The following C4orf54 variants were observed in gnomAD, a reference collection of about 807,000 sequenced individuals.
The protein encoded by C4orf54 is chromosome 4 open reading frame 54, also known as uncharacterized protein C4orf54.
C4orf54 carries 67 observed loss-of-function variants against 80.1 expected under a neutral mutation model. The observed-to-expected ratio is 0.84, with a 90% CI of 0.69 to 1.03. The LOEUF (loss-of-function observed/expected upper bound fraction) is 1.03. Ranked by LOEUF, C4orf54 falls within the 50% of genes least tolerant of loss-of-function variation. The probability of loss-of-function intolerance (pLI) is 0.00; values close to 1 mark genes in which losing one functional copy is unlikely to be tolerated. For missense variants in C4orf54, 2,434 were observed against 2,253.5 expected, an observed-to-expected ratio of 1.08 and a Z score of -1.62; for synonymous variants, 1,000 against 917.0, an observed-to-expected ratio of 1.09 and a Z score of -1.64.
At chr4:99,648,143 C>G (rs1185946728) in intron 2 of C4orf54, among the ~76,000 whole-genome samples, 1 of 149,784 alleles carries the variant, frequency 6.7e-6, no homozygotes, top group Non-Finnish European at 1.5e-5. Context: ...CTGAAGAGAA[C>G]AGGAGTGTAA....
At position 99,649,465 on chromosome 4, in the gene C4orf54, G is replaced by C. The variant is rs1489674199; in HGVS notation, c.5184C>G (p.Phe1728Leu). 21 of 1,536,070 alleles carry C rather than the reference G, an allele frequency of 1.4e-5. No homozygotes were observed. The highest frequency in any genetic ancestry group is 3.3e-4 in the Middle Eastern group (2 of 6,012). Reference protein sequence around the residue: ...AAATFTEAPYFMASGQSPASS... With the variant: ...AAATFTEAPYLMASGQSPASS... ...AGGCCGGAGACTGACCAGAAGCCAT[G>C]AAGTATGGGGCCTCGGTGAACGTTG... Residue 1728 changes from phenylalanine (F) to leucine (L), a missense_variant, in exon 2 of 3, where the codon TTC becomes TTG. Physicochemically the swap from Phe to Leu is conservative, Grantham distance 22 (BLOSUM62 0). Transcript: ENST00000511828.
rs1252151943 is a variant in C4orf54, at chr4:99,649,471, T to C, written c.5178A>G (p.Pro1726=). 2.6e-6 allele frequency: 4 copies of C among 1,536,038 alleles called. No homozygotes were observed. Among genetic ancestry groups the C allele is most frequent in the Non-Finnish European group, 3.5e-6 (4 of 1,146,922 alleles). ...KEAAATFTEA[P]YFMASGQSPA... Reference sequence around the variant, plus strand: ...GAGACTGACCAGAAGCCATGAAGTATGGGGCCTCGGTGAACGTTGCAGCTG... The same window carrying C: ...GAGACTGACCAGAAGCCATGAAGTACGGGGCCTCGGTGAACGTTGCAGCTG... The change falls in exon 2 of 3, where the codon CCA becomes CCG. Residue 1726 remains proline (P), a synonymous_variant. Transcript: ENST00000511828.
At chr4:99,647,929 T>C (rs1726727921) in intron 2 of C4orf54, among the ~76,000 whole-genome samples, 1 of 152,212 alleles carries the variant, frequency 6.6e-6, no homozygotes, top group Non-Finnish European at 1.5e-5. Flanking sequence ...ATGAAGGCTC[T>C]TTCATTGCAC....
At chr4:99,655,952 A>C (rs142132157) in intron 1 of C4orf54, among the ~76,000 whole-genome samples, 2,098 of 152,320 alleles carry the variant, frequency 0.014, 30 homozygotes, top group Middle Eastern at 0.027. Flanking sequence ...CCGAATAGGC[A>C]TGTGGGTAGG....
Position 99,652,232 on chromosome 4 carries a change from G to A in C4orf54, c.2417C>T (p.Ser806Phe). ...PTSRADGPQKSKFASSLLKNV... is the reference protein window; with the variant it reads ...PTSRADGPQKFKFASSLLKNV... ...TTTGAGCAGACTGGAGGCGAACTTGGACTTCTGGGGGCCATCGGCGCGGGA... is the reference window on the plus strand; with the variant it reads ...TTTGAGCAGACTGGAGGCGAACTTGAACTTCTGGGGGCCATCGGCGCGGGA... Residue 806 changes from serine (S) to phenylalanine (F), a missense_variant, in exon 2 of 3, where the codon TCC becomes TTC. Transcript: ENST00000511828. The A allele has an allele frequency of 6.5e-7, 1 of 1,535,846 alleles. No homozygotes were observed. Among genetic ancestry groups the A allele is most frequent in the Non-Finnish European group, 8.7e-7 (1 of 1,146,820 alleles).
In C4orf54 at chr4:99,651,977, G is replaced by T; in HGVS notation, c.2672C>A (p.Ala891Glu). 1 of 1,536,124 alleles carries T rather than the reference G, an allele frequency of 6.5e-7. No homozygotes were observed. Among genetic ancestry groups the T allele is most frequent in the Non-Finnish European group, 8.7e-7 (1 of 1,146,910 alleles). ...TTTGAAGACTGGAGATTTGGAGCCC[G>T]CCACGGACCCCTCCCCGCCCGCGTC... ...MSDAGGEGSV[A>E]GSKSPVFKAS... Residue 891 changes from alanine to glutamate, a missense_variant, in exon 2 of 3, where the codon GCG becomes GAG. Ala to Glu is a moderately radical substitution (Grantham distance 107, BLOSUM62 -1). Coordinates refer to ENST00000511828, the MANE Select transcript of C4orf54 (RefSeq NM_001354435.2).
rs1726806423 is a variant in C4orf54, at chr4:99,650,851, C to G, written c.3798G>C (p.Glu1266Asp). ...ACTCGTTCCTGTTGAAGCTGTACAG[C>G]TCTTCCATGGACCTCACGGCTGCAG... ...KLTAAVRSMEELYSFNRNEWK... is the reference protein window; with the variant it reads ...KLTAAVRSMEDLYSFNRNEWK... The change falls in exon 2 of 3, where the codon GAG (glutamate) becomes GAC (aspartate). Residue 1266 changes from glutamate (E) to aspartate (D), a missense_variant. By Grantham distance (45) the Glu-to-Asp change is conservative (BLOSUM62 2). Transcript: ENST00000511828. The G allele has an allele frequency of 8.5e-6, 13 of 1,536,098 alleles. No individual in the cohort carries two copies. Among genetic ancestry groups the G allele is most frequent in the African/African-American group, 1.4e-5 (1 of 73,052 alleles).
Position 99,652,556 on chromosome 4 carries a change from G to A in C4orf54, c.2093C>T (p.Ala698Val), listed in dbSNP as rs1294588001. 1.2e-5 allele frequency: 18 copies of A among 1,536,088 alleles called. No homozygotes were observed. Among genetic ancestry groups the A allele is most frequent in the Non-Finnish European group, 1.3e-5 (15 of 1,146,906 alleles). The change falls in exon 2 of 3, where the codon GCC (alanine) becomes GTC (valine). Residue 698 changes from alanine (A) to valine (V), a missense_variant. By Grantham distance (64) the Ala-to-Val change is moderately conservative. Transcript: ENST00000511828. ...VAAGLRKGSG[A>V]RATADQLYIQ... is the part of the protein sequence containing the mutation. ...GTAGAGCTGGTCGGCAGTGGCCCGG[G>A]CCCCACTGCCCTTCCTCAGACCTGC...
At position 99,652,985 on chromosome 4, in the gene C4orf54, C is replaced by T. The variant is rs1248181662; in HGVS notation, c.1664G>A (p.Arg555His). ...ATTGTGTTCAGCAGCTGTAGAGACG[C>T]GGAGGCTCATGTCGCCTTCATGCTT... is the stretch of plus-strand genomic sequence containing the variant. ...AAKHEGDMSL[R>H]VSTAAEHNSS... Residue 555 changes from arginine (R) to histidine (H), a missense_variant, in exon 2 of 3, where the codon CGC (arginine) becomes CAC (histidine). Physicochemically the swap from Arg to His is conservative, Grantham distance 29. Transcript: ENST00000511828. 8 of 1,536,042 alleles carry T rather than the reference C, an allele frequency of 5.2e-6. No homozygotes were observed. The highest frequency in any genetic ancestry group is 1.4e-5 in the African/African-American group (1 of 73,046).
chr4:99,643,307 T>A (rs980950119), intron 2 of C4orf54, among the ~76,000 whole-genome samples: 2 of 152,192 alleles, frequency 1.3e-5, no homozygotes, highest in African/African-American at 2.4e-5. Context: ...TGACAACAAG[T>A]CACTTGCCTG....
chr4:99,642,239 AG>A (rs1374541311), intron 2 of C4orf54, among the ~76,000 whole-genome samples: 1 of 152,226 alleles, frequency 6.6e-6, no homozygotes, highest in Non-Finnish European at 1.5e-5. Context: ...CAATACGAAA[AG>A]AAAATTTAAT....
chr4:99,643,792 A>ACT lies in C4orf54; in HGVS notation c.*37-2597_*37-2596insAG, dbSNP rs61130907. 2.0e-5 allele frequency among the ~76,000 whole-genome samples: 2 copies of ACT among 98,862 alleles called. 1 individual carries two copies. Among genetic ancestry groups the ACT allele is most frequent in the South Asian group, 7.0e-4 (2 of 2,856 alleles). The allele number at this position is 98,862 out of a possible 152,430, so 64.9% of individuals were successfully genotyped here. Reference sequence around the variant, plus strand: ...CACACACACACACACACACACACACACCCCCTCCGCGGCAGTAAAACGGCC... The same window carrying ACT: ...CACACACACACACACACACACACACACTCCCCCTCCGCGGCAGTAAAACGGCC... On this transcript the variant is annotated intron_variant, in intron 2 of 2. Transcript: ENST00000511828.
chr4:99,657,392 C>A (rs1178990955), intron 1 of C4orf54, among the ~76,000 whole-genome samples, 103 bp downstream of exon 1: 1 of 152,236 alleles, frequency 6.6e-6, no homozygotes, highest in South Asian at 2.1e-4. Context: ...ACCCAAAGTT[C>A]TGAAAATCTA....
rs1389538423 is a variant in C4orf54, at chr4:99,652,923, C to A, written c.1726G>T (p.Ala576Ser). Residue 576 changes from alanine (A) to serine (S), a missense_variant, in exon 2 of 3, where the codon GCT becomes TCT. By Grantham distance (99) the Ala-to-Ser change is moderately conservative (BLOSUM62 1). Coordinates refer to ENST00000511828, the MANE Select transcript of C4orf54 (RefSeq NM_001354435.2). ...SLKQNPAAAV[A>S]QDHAKKFIAV... Reference sequence around the variant, plus strand: ...ATGAATTTCTTTGCATGGTCCTGAGCCACTGCTGCAGCCGGGTTTTGCTTC... The same window carrying A: ...ATGAATTTCTTTGCATGGTCCTGAGACACTGCTGCAGCCGGGTTTTGCTTC... The A allele has an allele frequency of 5.2e-6, 8 of 1,536,018 alleles. No individual in the cohort carries two copies. The highest frequency in any genetic ancestry group is 7.0e-6 in the Non-Finnish European group (8 of 1,146,922).
Position 99,653,772 on chromosome 4 carries a change from T to C in C4orf54, c.877A>G (p.Thr293Ala), listed in dbSNP as rs900795319. The C allele has an allele frequency of 2.0e-6, 3 of 1,536,088 alleles. No homozygotes were observed. The highest frequency in any genetic ancestry group is 2.6e-6 in the Non-Finnish European group (3 of 1,146,900). Residue 293 changes from threonine (T) to alanine (A), a missense_variant, in exon 2 of 3, where the codon ACA (threonine) becomes GCA (alanine). Thr to Ala is a moderately conservative substitution (Grantham distance 58). Transcript: ENST00000511828. ...GAAGAGGAGGTGGCCAGAGCCCCTG[T>C]GGATGTGGTGGAGTCCTCCATTTTG... ...LSKMEDSTTS[T>A]GALATSSSSL...
chr4:99,652,098 C>A lies in C4orf54; in HGVS notation c.2551G>T (p.Ala851Ser). The change falls in exon 2 of 3, where the codon GCC (alanine) becomes TCC (serine). Residue 851 changes from alanine (A) to serine (S), a missense_variant. Transcript: ENST00000511828. ...LSGTSKETEG[A>S]RGSERQRERG... ...TCTCGCTGCCTCTCGCTCCCGCGGG[C>A]GCCCTCCGTCTCCTTGGAGGTGCCT... 6.5e-7 allele frequency: 1 copy of A among 1,536,086 alleles called. No individual in the cohort carries two copies. Among genetic ancestry groups the A allele is most frequent in the Non-Finnish European group, 8.7e-7 (1 of 1,146,876 alleles).
chr4:99,657,142 G>A (rs1025362007), intron 1 of C4orf54, among the ~76,000 whole-genome samples: 1 of 152,208 alleles, frequency 6.6e-6, no homozygotes, highest in South Asian at 2.1e-4. Context: ...CCGTGTCTTG[G>A]ACGATAAACC....
In C4orf54 at chr4:99,653,896, T is replaced by C; in HGVS notation, c.753A>G (p.Gln251=). Residue 251 remains glutamine (Q), a synonymous_variant, in exon 2 of 3, where the codon CAA becomes CAG. Coordinates refer to ENST00000511828, the MANE Select transcript of C4orf54 (RefSeq NM_001354435.2). ...AGGCAGAGTGCTGGGATCTAGAGAG[T>C]TGGGAGGAGGCAGGATTGTTCTGGG... The part of the protein sequence containing the change: ...PSPQNNPASS[Q]LSRSQHSASE... 1 of 1,535,836 alleles carries C rather than the reference T, an allele frequency of 6.5e-7. No homozygotes were observed. Among genetic ancestry groups the C allele is most frequent in the Non-Finnish European group, 8.7e-7 (1 of 1,146,820 alleles).
rs1453489414 is a variant in C4orf54, at chr4:99,652,868, C to T, written c.1781G>A (p.Cys594Tyr). The T allele has an allele frequency of 1.3e-6, 2 of 1,536,158 alleles. No individual in the cohort carries two copies. Among genetic ancestry groups the T allele is most frequent in the Admixed American group, 2.0e-5 (1 of 51,014 alleles). ...CAGCTCCTTCGCCCGGATGGCCCCG[C>T]ACCTGGTTTGCAGGCGAGCAGGTAC... ...IAVPARLQTRCGAIRAKELVD... is the reference protein window; with the variant it reads ...IAVPARLQTRYGAIRAKELVD... The change falls in exon 2 of 3, where the codon TGC (cysteine) becomes TAC (tyrosine). Residue 594 changes from cysteine (C) to tyrosine (Y), a missense_variant. Coordinates refer to ENST00000511828, the MANE Select transcript of C4orf54 (RefSeq NM_001354435.2).
Sources: allele counts gnomAD v4.1 joint callset (sites outside exome capture counted in the v4.1 genomes callset), GRCh38; gene constraint gnomAD v4.1.1; transcripts MANE v1.5; gene names NCBI Gene and HGNC (gene_info 2026-07-23, HGNC 2026-07-21).